The following EMP2 variants were observed in gnomAD, a reference collection of about 807,000 sequenced individuals.
EMP2 encodes the protein epithelial membrane protein 2.
Under a neutral mutation model 13.7 loss-of-function variants are expected in EMP2, and 19 were observed. The ratio of observed to expected loss-of-function variants is 1.38; its 90% CI spans 0.97 to 2.03. The LOEUF is 2.03. Ranked by LOEUF, EMP2 falls within the 30% of genes most tolerant of loss-of-function variation. EMP2 has a pLI of 0.00. For synonymous variants in EMP2, 97 were observed against 84.7 expected (o/e 1.15, Z -0.80); for missense variants, 253 against 220.7 (o/e 1.15, Z -0.93).
intron 1 of EMP2, among the ~76,000 whole-genome samples, chr16:10,571,737 C>T (rs1040969345): frequency 6.6e-6 from 1 of 152,172 alleles, no homozygotes; most frequent in Non-Finnish European, 1.5e-5. Flanking sequence ...AAGATGGCAG[C>T]GGTCTGGACC....
chr16:10,558,035 T>G (rs1194839611), intron 1 of EMP2, among the ~76,000 whole-genome samples: 3 of 151,272 alleles, frequency 2.0e-5, no homozygotes, highest in East Asian at 1.9e-4. Flanking sequence ...TTTCAAGTTT[T>G]TTTTTTTTTT....
chr16:10,535,757 C>G (rs73502073), intron 4 of EMP2, among the ~76,000 whole-genome samples: 3,557 of 152,182 alleles, frequency 0.023, 113 homozygotes, highest in African/African-American at 0.079. Context: ...TTAATGGGGT[C>G]GGTGAGGGTG....
At chr16:10,575,293 G>A (rs535911078) in intron 1 of EMP2, among the ~76,000 whole-genome samples, 2,007 of 103,546 alleles carry the variant, frequency 0.019, 36 homozygotes, top group Middle Eastern at 0.044. Context: ...TCGCTCCGTC[G>A]CCCAGGCTGG....
At chr16:10,555,104 G>A (rs748803468) in intron 1 of EMP2, among the ~76,000 whole-genome samples, 52 of 152,200 alleles carry the variant, frequency 3.4e-4, no homozygotes, top group Middle Eastern at 3.4e-3. Flanking sequence ...TAACAGAAAC[G>A]AAGGAGGGCC....
intron 1 of EMP2, among the ~76,000 whole-genome samples, chr16:10,562,521 C>T (rs1300791149): frequency 6.6e-6 from 1 of 152,106 alleles, no homozygotes; most frequent in African/African-American, 2.4e-5. Flanking sequence ...CAGCCAGCCC[C>T]CAGCTGACCC....
intron 1 of EMP2, among the ~76,000 whole-genome samples, chr16:10,570,699 G>C (rs1396154397): frequency 6.6e-6 from 1 of 151,932 alleles, no homozygotes; most frequent in South Asian, 2.1e-4. Flanking sequence ...CATCTGGCTG[G>C]CTAATTTTTA....
chr16:10,557,369 A>C (rs183889775), intron 1 of EMP2, among the ~76,000 whole-genome samples: 1 of 151,630 alleles, frequency 6.6e-6, no homozygotes, highest in East Asian at 1.9e-4. Context: ...AAAAAAAAAA[A>C]AAACCCAGAA....
intron 1 of EMP2, among the ~76,000 whole-genome samples, chr16:10,557,866 T>C (rs2050842527): frequency 6.6e-6 from 1 of 150,748 alleles, no homozygotes; most frequent in African/African-American, 2.4e-5. Context: ...AGCAAATGGG[T>C]TTTTCAAGCA....
chr16:10,534,045 G>A (rs2050628989), intron 4 of EMP2, among the ~76,000 whole-genome samples: 1 of 151,884 alleles, frequency 6.6e-6, no homozygotes, highest in Non-Finnish European at 1.5e-5. Flanking sequence ...AACTCACGAG[G>A]CAGAGGTTGC....
At chr16:10,564,580 C>T (rs1353087125) in intron 1 of EMP2, among the ~76,000 whole-genome samples, 1 of 151,924 alleles carries the variant, frequency 6.6e-6, no homozygotes, top group Non-Finnish European at 1.5e-5. Context: ...CTCCCAGTCC[C>T]ACCTCCTACC....
At chr16:10,555,545 G>C (rs763784452) in intron 1 of EMP2, among the ~76,000 whole-genome samples, 4 of 151,856 alleles carry the variant, frequency 2.6e-5, no homozygotes, top group Non-Finnish European at 4.4e-5. Context: ...GTGTAAAACA[G>C]TCTTCTGTCA....
rs760291275 is a variant in EMP2 at position 10,563,551 on chromosome 16, C to T, written c.-60-15874G>A. On this transcript the variant is annotated intron_variant, in intron 1 of 4. Coordinates refer to ENST00000359543, the MANE Select transcript of EMP2 (RefSeq NM_001424.6). ...ATTTTTATAGATGGATCTTTGCTGG[C>T]GAGTTAAAGACTGTACATCACTGTC... Among the ~76,000 whole-genome samples the T allele has an allele frequency of 5.3e-5, 8 of 152,102 alleles. No homozygotes were observed. In the East Asian group the frequency reaches 5.8e-4, roughly 11 times the overall value.
chr16:10,558,196 A>G (rs186192301), intron 1 of EMP2, among the ~76,000 whole-genome samples: 1 of 152,036 alleles, frequency 6.6e-6, no homozygotes, highest in East Asian at 1.9e-4. Context: ...TGCCCGTCTA[A>G]TTTTATTTTT....
intron 1 of EMP2, among the ~76,000 whole-genome samples, chr16:10,555,959 T>C (rs748252657): frequency 6.6e-6 from 1 of 152,196 alleles, no homozygotes; most frequent in African/African-American, 2.4e-5. Flanking sequence ...ACAATACTCA[T>C]GCACTTCTAT....
chr16:10,542,887 C>T (rs1293684964), intron 3 of EMP2, among the ~76,000 whole-genome samples: 1 of 152,210 alleles, frequency 6.6e-6, no homozygotes, highest in African/African-American at 2.4e-5. Flanking sequence ...ACTCTGTCAC[C>T]CAGGGTGGAG....
chr16:10,554,841 A>C (rs1452445080), intron 1 of EMP2, among the ~76,000 whole-genome samples: 2 of 152,000 alleles, frequency 1.3e-5, no homozygotes, highest in Non-Finnish European at 2.9e-5. Flanking sequence ...TCTAGGTCTT[A>C]ATTCAAACAT....
At chr16:10,569,012 T>C (rs1596381719) in intron 1 of EMP2, among the ~76,000 whole-genome samples, 1 of 152,166 alleles carries the variant, frequency 6.6e-6, no homozygotes, top group Non-Finnish European at 1.5e-5. Flanking sequence ...GGTCTAGAAC[T>C]CCTGACCTCA....
chr16:10,543,643 A>G lies in EMP2; in HGVS notation c.96T>C (p.Asp32=), dbSNP rs2050718115. 1.9e-6 allele frequency: 3 copies of G among 1,614,104 alleles called. No individual in the cohort carries two copies. Among genetic ancestry groups the G allele is most frequent in the Non-Finnish European group, 1.7e-6 (2 of 1,180,022 alleles). ...ATVDNAWWVG[D]EFFADVWRIC... ...TTCTCCAGACATCTGCAAAAAACTCATCTCCTACCCACCAGGCCTGTAACA... is the reference window on the plus strand; with the variant it reads ...TTCTCCAGACATCTGCAAAAAACTCGTCTCCTACCCACCAGGCCTGTAACA... Residue 32 remains aspartate, a synonymous_variant, in exon 3 of 5, where the codon GAT becomes GAC. Transcript: ENST00000359543.
At chr16:10,560,759 C>A (rs1040853110) in intron 1 of EMP2, among the ~76,000 whole-genome samples, 1 of 152,074 alleles carries the variant, frequency 6.6e-6, no homozygotes, top group African/African-American at 2.4e-5. Context: ...TAAGGATGGG[C>A]GGAGTGGTGG....
Sources: gnomAD v4.1 joint callset for allele counts (sites outside exome capture counted in the v4.1 genomes callset) on GRCh38, gnomAD v4.1.1 for gene constraint, MANE v1.5 for transcripts, NCBI Gene and HGNC (gene_info 2026-07-23, HGNC 2026-07-21) for gene names.